Variants in SLC8A1 observed in about 807,000 individuals in gnomAD.
SLC8A1 encodes sodium/calcium exchanger 1.
In SLC8A1, 18 loss-of-function variants were observed where a neutral mutation model predicts 68.3. The ratio of observed to expected loss-of-function variants is 0.26; its 90% confidence interval spans 0.18 to 0.39. SLC8A1 has a LOEUF of 0.39. Ranked by LOEUF, SLC8A1 falls within the 10% of genes least tolerant of loss-of-function variation. The pLI is 1.00. For missense variants in SLC8A1, 985 were observed against 1,156.7 expected, an observed-to-expected ratio of 0.85 and a Z score of 2.15; for synonymous variants, 475 against 415.5, an observed-to-expected ratio of 1.14 and a Z score of -1.74.
intron 4 of SLC8A1, among the ~76,000 whole-genome samples, chr2:40,168,227 G>T (rs562574747): frequency 2.9e-4 from 44 of 152,122 alleles, no homozygotes; most frequent in Non-Finnish European, 5.1e-4. Flanking sequence ...TGGCCTAAAG[G>T]GAGTCAGGGA....
At chr2:40,303,027 A>T (rs1182259737) in intron 2 of SLC8A1, among the ~76,000 whole-genome samples, 2 of 152,186 alleles carry the variant, frequency 1.3e-5, no homozygotes, top group Admixed American at 1.3e-4. Flanking sequence ...CCAATGAGAC[A>T]TTTTCAATTC....
At chr2:40,097,721 A>T (rs892446343) in exon 8 of SLC8A1, 1 of 152,156 alleles carries the variant, frequency 6.6e-6, no homozygotes, top group South Asian at 2.1e-4. Flanking sequence ...TTCTGGTAAA[A>T]ATAAAACTCT....
chr2:40,227,339 C>CAA, intron 2 of SLC8A1, among the ~76,000 whole-genome samples: 1 of 152,198 alleles, frequency 6.6e-6, no homozygotes, highest in East Asian at 1.9e-4. Context: ...GTACCACACT[C>CAA]TGTGATCTCA....
chr2:40,244,565 CAAAAAA>C lies in SLC8A1; in HGVS notation c.1809-66716_1809-66711del, dbSNP rs70957161. ...AAGTGGTGTGCATGATATGAAAAAC[CAAAAAA>C]AAAAAAAAAAAAAAAATGCACCAAA... On this transcript the variant is annotated intron_variant, in intron 2 of 7. Coordinates refer to ENST00000406785, the Ensembl canonical transcript of SLC8A1. Among the ~76,000 whole-genome samples the C allele has an allele frequency of 3.3e-3, 426 of 127,538 alleles. 1 individual carries two copies. Among genetic ancestry groups the C allele is most frequent in the African/African-American group, 4.3e-3 (143 of 33,094 alleles). 83.7% of individuals were successfully genotyped at this position (127,538 alleles called of 152,430 possible).
chr2:40,330,543 T>C (rs2076304708), intron 2 of SLC8A1, among the ~76,000 whole-genome samples: 1 of 152,102 alleles, frequency 6.6e-6, no homozygotes, highest in Non-Finnish European at 1.5e-5. Context: ...ATTTCTGATG[T>C]TTTCCCTGAA....
chr2:40,505,159 A>T (rs1262603318), intron 1 of SLC8A1, among the ~76,000 whole-genome samples: 1 of 151,974 alleles, frequency 6.6e-6, no homozygotes, highest in East Asian at 1.9e-4. Context: ...AATTGAACTC[A>T]TGGACATAGA....
At chr2:40,278,618 C>T (rs566571074) in intron 2 of SLC8A1, among the ~76,000 whole-genome samples, 1 of 152,116 alleles carries the variant, frequency 6.6e-6, no homozygotes, top group Admixed American at 6.5e-5. Context: ...AAGCGACATA[C>T]CTCAGTGTGA....
chr2:40,201,090 TGAACG>T (rs2054278657), intron 2 of SLC8A1, among the ~76,000 whole-genome samples: 1 of 151,566 alleles, frequency 6.6e-6, no homozygotes, highest in African/African-American at 2.4e-5. Context: ...ATTCAAATCT[TGAACG>T]GAGACCCCCA....
intron 2 of SLC8A1, among the ~76,000 whole-genome samples, chr2:40,383,324 T>A (rs1279960477): frequency 2.0e-5 from 3 of 152,098 alleles, no homozygotes; most frequent in Non-Finnish European, 4.4e-5. Context: ...TTGTCCTTAG[T>A]TGGACAACAA....
intron 2 of SLC8A1, among the ~76,000 whole-genome samples, chr2:40,308,707 C>G (rs1312384770): frequency 6.6e-6 from 1 of 151,992 alleles, no homozygotes; most frequent in African/African-American, 2.4e-5. Flanking sequence ...GCAGTTATTT[C>G]CAATAGGGGC....
chr2:40,175,683 T>C (rs1273788506), intron 3 of SLC8A1, among the ~76,000 whole-genome samples: 3 of 152,126 alleles, frequency 2.0e-5, no homozygotes, highest in Non-Finnish European at 1.5e-5. Context: ...TCATTAAATA[T>C]TGCCTCGGAT....
At chr2:40,482,628 C>T (rs1331962424) in intron 1 of SLC8A1, among the ~76,000 whole-genome samples, 3 of 152,130 alleles carry the variant, frequency 2.0e-5, no homozygotes, top group Non-Finnish European at 4.4e-5. Context: ...GGTCACACAG[C>T]TGGTAAGTGG....
At chr2:40,412,250 A>C (rs978623383) in intron 2 of SLC8A1, among the ~76,000 whole-genome samples, 4 of 152,078 alleles carry the variant, frequency 2.6e-5, no homozygotes, top group Non-Finnish European at 5.9e-5. Flanking sequence ...AAATGTTATA[A>C]CCTTTTTGGT....
intron 2 of SLC8A1, among the ~76,000 whole-genome samples, chr2:40,395,088 A>G (rs141609929): frequency 5.0e-4 from 76 of 152,330 alleles, no homozygotes; most frequent in African/African-American, 1.8e-3. Context: ...GACTAACTAG[A>G]CAGTGCTCTT....
exon 8 of SLC8A1, chr2:40,115,118 A>C: frequency 1.6e-6 from 1 of 615,950 alleles, no homozygotes; most frequent in Non-Finnish European, 2.4e-6. Flanking sequence ...CGGCCCTAGT[A>C]CAGAGTATGC....
chr2:40,377,799 G>C (rs1039266843), intron 2 of SLC8A1, among the ~76,000 whole-genome samples: 3 of 152,200 alleles, frequency 2.0e-5, no homozygotes, highest in Admixed American at 2.0e-4. Context: ...CCCTGTTATA[G>C]ATGACAAAGT....
intron 2 of SLC8A1, among the ~76,000 whole-genome samples, chr2:40,370,814 A>ATTATCATTTCCAT: frequency 6.6e-6 from 1 of 152,204 alleles, no homozygotes; most frequent in Non-Finnish European, 1.5e-5. Flanking sequence ...CTGTATTACT[A>ATTATCATTTCCAT]TTATCATTTC....
At chr2:40,200,247 T>TATATAA (rs1558723396) in intron 2 of SLC8A1, among the ~76,000 whole-genome samples, 5 of 18,018 alleles carry the variant, frequency 2.8e-4, no homozygotes, top group Non-Finnish European at 7.0e-4. Flanking sequence ...TAAATATATA[T>TATATAA]ATATATATAT....
intron 2 of SLC8A1, among the ~76,000 whole-genome samples, chr2:40,349,992 A>G (rs2149441185): frequency 6.6e-6 from 1 of 152,256 alleles, no homozygotes; most frequent in African/African-American, 2.4e-5. Flanking sequence ...GATGACTAAA[A>G]ATCAGAGATT....
Sources: allele counts gnomAD v4.1 joint callset (sites outside exome capture counted in the v4.1 genomes callset), GRCh38; gene constraint gnomAD v4.1.1; transcripts MANE v1.5; gene names NCBI Gene and HGNC (gene_info 2026-07-23, HGNC 2026-07-21).